Variants in RIPOR2 observed in about 807,000 individuals in gnomAD.
The protein encoded by RIPOR2 is rho family-interacting cell polarization regulator 2.
Under a neutral mutation model 114.5 loss-of-function variants are expected in RIPOR2, and 39 were observed. The ratio of observed to expected loss-of-function variants is 0.34; its 90% CI spans 0.26 to 0.44. RIPOR2 has a LOEUF of 0.44. RIPOR2 is among the 20% of genes least tolerant of loss of function. RIPOR2 has a pLI of 1.00. For synonymous variants in RIPOR2, 445 were observed against 484.4 expected, an observed-to-expected ratio of 0.92 and a Z score of 1.07; for missense variants, 1,007 against 1,255.1, an observed-to-expected ratio of 0.80 and a Z score of 2.99.
intron 1 of RIPOR2, among the ~76,000 whole-genome samples, chr6:24,902,394 T>A (rs2114021738): frequency 6.6e-6 from 1 of 152,184 alleles, no homozygotes; most frequent in East Asian, 1.9e-4. Context: ...TGTTTGTATT[T>A]TTAGTAAAGC....
rs1763744380 is a variant in RIPOR2 at position 24,858,748 on chromosome 6, A to C, written c.715+2225T>G. 6.6e-6 allele frequency among the ~76,000 whole-genome samples: 1 copy of C among 152,166 alleles called. No homozygotes were observed. The highest frequency in any genetic ancestry group is 2.4e-5 in the African/African-American group (1 of 41,432). Reference sequence around the variant, plus strand: ...GAACATCAGGCAGGAGAGCAAGAACAACAGAGAGAGGAGGAGATGGAGGAG... The same window carrying C: ...GAACATCAGGCAGGAGAGCAAGAACCACAGAGAGAGGAGGAGATGGAGGAG... On this transcript the variant is annotated intron_variant, in intron 8 of 21. Transcript: ENST00000643898. The surrounding 1 kb of genome is among the most constrained non-coding windows in gnomAD (Gnocchi z 4.0).
At chr6:24,830,867 C>G (rs1760621354) in intron 16 of RIPOR2, among the ~76,000 whole-genome samples, 197 bp from the exon 17 acceptor site, 1 of 152,042 alleles carries the variant, frequency 6.6e-6, no homozygotes. Context: ...AAGCATGCAC[C>G]ACCACACCTG....
Position 24,935,868 on chromosome 6 carries a change from C to T in RIPOR2, c.31G>A (p.Val11Ile). 1 of 1,535,512 alleles carries T rather than the reference C, an allele frequency of 6.5e-7. No homozygotes were observed. The part of the protein sequence containing the change: MQFFDAEELL[V>I]DEEDDVFGEG... ...CCAAAAACATCATCCTCTTCATCGA[C>T]CAGGAGCTCCTCAGCATCAAAAAAC... The change falls in exon 1 of 22, where the codon GTC becomes ATC. Residue 11 changes from valine (V) to isoleucine (I), a missense_variant. Coordinates refer to ENST00000643898, the MANE Select transcript of RIPOR2 (RefSeq NM_001286445.3).
intron 1 of RIPOR2, among the ~76,000 whole-genome samples, chr6:24,989,372 T>TGCAACCTCC (rs1429255907): frequency 6.6e-6 from 1 of 151,816 alleles, no homozygotes; most frequent in Non-Finnish European, 1.5e-5. Flanking sequence ...CTCAGCTCAC[T>TGCAACCTCC]GCAACCTCCG....
intron 1 of RIPOR2, among the ~76,000 whole-genome samples, chr6:24,905,012 T>C (rs979914311): frequency 6.6e-6 from 1 of 152,140 alleles, no homozygotes; most frequent in African/African-American, 2.4e-5. Context: ...TGACCTCCAA[T>C]GATCCACCCG....
Position 24,969,228 on chromosome 6 carries a change from A to G in RIPOR2, c.76+72623T>C, listed in dbSNP as rs565328734. Among the ~76,000 whole-genome samples the G allele has an allele frequency of 5.3e-5, 8 of 152,254 alleles. No individual in the cohort carries two copies. The East Asian group carries it at 1.5e-3, about 29-fold the overall frequency. On this transcript the variant is annotated intron_variant, in intron 1 of 13. Coordinates refer to the RIPOR2 transcript ENST00000510784. ...GGGGTGATGCCGTTACTGTTATTCC[A>G]GGTGAGAACCACCGATTTGGGACTC...
At chr6:24,901,608 C>G (rs921155133) in intron 1 of RIPOR2, among the ~76,000 whole-genome samples, 2 of 152,192 alleles carry the variant, frequency 1.3e-5, no homozygotes, top group African/African-American at 2.4e-5. Flanking sequence ...GGGCAGGTTT[C>G]CATTTGCAAA....
intron 1 of RIPOR2, among the ~76,000 whole-genome samples, chr6:24,953,016 T>C (rs1361838561): frequency 6.6e-6 from 1 of 152,142 alleles, no homozygotes; most frequent in Non-Finnish European, 1.5e-5. Flanking sequence ...AGTGTGGCTG[T>C]ATTTGGAGTA....
chr6:24,949,395 C>T (rs1772628920), intron 1 of RIPOR2, among the ~76,000 whole-genome samples: 1 of 152,166 alleles, frequency 6.6e-6, no homozygotes, highest in Non-Finnish European at 1.5e-5. Context: ...AGAGACTTCT[C>T]ACCTTACCAA....
chr6:24,902,101 G>C (rs1487205358), intron 1 of RIPOR2, among the ~76,000 whole-genome samples: 1 of 152,202 alleles, frequency 6.6e-6, no homozygotes, highest in Non-Finnish European at 1.5e-5. Flanking sequence ...GAAAAGGAAA[G>C]ACCAGCAGTC....
At chr6:24,894,579 A>G (rs886390457) in intron 1 of RIPOR2, among the ~76,000 whole-genome samples, 2 of 152,196 alleles carry the variant, frequency 1.3e-5, no homozygotes, top group African/African-American at 4.8e-5. Flanking sequence ...TTGTGGCCCC[A>G]CAAACATCAT....
intron 1 of RIPOR2, among the ~76,000 whole-genome samples, chr6:24,906,724 C>T (rs765825324): frequency 1.1e-4 from 17 of 152,178 alleles, no homozygotes; most frequent in Non-Finnish European, 2.4e-4. Context: ...GCAGCCTTGA[C>T]CTTCCAGGCT....
In RIPOR2 at chr6:24,817,978, C is replaced by CTTTTTTTTTTTTTTTTT. The variant is rs57294288; in HGVS notation, c.2952+563_2952+564insAAAAAAAAAAAAAAAAA. ...ATACTTTCCTTTTCTCTCTCTCTCT[C>CTTTTTTTTTTTTTTTTT]TTTTTTTTTGAGACAGAGTCTGGCT... On this transcript the variant is annotated intron_variant, in intron 20 of 21. Coordinates refer to ENST00000643898, the MANE Select transcript of RIPOR2 (RefSeq NM_001286445.3). Among the ~76,000 whole-genome samples, 178 of 118,324 alleles carry CTTTTTTTTTTTTTTTTT rather than the reference C, an allele frequency of 1.5e-3. 10 individuals carry two copies. The highest frequency in any genetic ancestry group is 1.8e-3 in the African/African-American group (60 of 32,636). The allele number at this position is 118,324 out of a possible 152,430, so 77.6% of individuals were successfully genotyped here. A position where few individuals can be genotyped will look rare whatever the true frequency, so the allele number is the denominator to read the frequency against.
chr6:25,001,531 A>G (rs1312508479), intron 1 of RIPOR2, among the ~76,000 whole-genome samples: 1 of 148,226 alleles, frequency 6.7e-6, no homozygotes, highest in Non-Finnish European at 1.5e-5. Context: ...AGGCTGAGGC[A>G]GGAGAATTGC....
At chr6:24,925,700 CAA>C (rs36119418) in intron 1 of RIPOR2, among the ~76,000 whole-genome samples, 5 of 137,480 alleles carry the variant, frequency 3.6e-5, no homozygotes, top group Admixed American at 7.3e-5. Flanking sequence ...GACTCCATCT[CAA>C]AAAAAAAAAA....
intron 19 of RIPOR2, among the ~76,000 whole-genome samples, chr6:24,823,789 G>A (rs967194521): frequency 3.3e-5 from 5 of 152,020 alleles, no homozygotes; most frequent in South Asian, 4.1e-4. Context: ...ATGGAGTCTC[G>A]CTCTGTCACC....
chr6:24,848,279 G>A, intron 11 of RIPOR2, 125 bp from the exon 12 acceptor site: 1 of 972,038 alleles, frequency 1.0e-6, no homozygotes, highest in Non-Finnish European at 1.5e-6. Context: ...AACTGGGCTG[G>A]TTTTAGCTAA....
intron 1 of RIPOR2, among the ~76,000 whole-genome samples, chr6:24,985,055 A>T (rs1774475664): frequency 6.6e-6 from 1 of 152,258 alleles, no homozygotes; most frequent in Admixed American, 6.5e-5. Context: ...CCTCCTCAGG[A>T]AATGTGCCCT....
intron 10 of RIPOR2, 71 bp from the exon 11 acceptor site, chr6:24,850,021 T>C: frequency 7.5e-7 from 1 of 1,326,216 alleles, no homozygotes; most frequent in Non-Finnish European, 1.1e-6. Context: ...ATGTGTCATT[T>C]TTTTTACTGA....
Sources: allele counts gnomAD v4.1 joint callset (sites outside exome capture counted in the v4.1 genomes callset), GRCh38; gene constraint gnomAD v4.1.1; non-coding constraint Gnocchi (gnomAD v3.1); transcripts MANE v1.5; gene names NCBI Gene and HGNC (gene_info 2026-07-23, HGNC 2026-07-21).